Variants in PLXNA2 observed in about 807,000 individuals in gnomAD.
PLXNA2 encodes the protein plexin-A2.
PLXNA2 carries 91 observed loss-of-function variants against 193.5 expected under a neutral mutation model. The ratio of observed to expected loss-of-function variants is 0.47; its 90% confidence interval spans 0.40 to 0.56. PLXNA2 has a LOEUF of 0.56. Among genes scored for constraint, PLXNA2 ranks in the 20% least tolerant of loss-of-function variants. The probability of loss-of-function intolerance (pLI) is 0.00; values close to 1 mark genes in which losing one functional copy is unlikely to be tolerated. For synonymous variants in PLXNA2, 997 were observed against 1,027.3 expected (o/e 0.97, Z 0.56); for missense variants, 1,995 against 2,503.2 (o/e 0.80, Z 4.33).
At chr1:208,206,330 C>G (rs1387375813) in intron 3 of PLXNA2, among the ~76,000 whole-genome samples, 1 of 152,244 alleles carries the variant, frequency 6.6e-6, no homozygotes, top group Admixed American at 6.5e-5. Flanking sequence ...ATGATGAAGA[C>G]TAACTTTGTT....
chr1:208,133,543 G>A (rs1472064670), intron 4 of PLXNA2, among the ~76,000 whole-genome samples: 1 of 152,202 alleles, frequency 6.6e-6, no homozygotes, highest in African/African-American at 2.4e-5. Flanking sequence ...ACTTGTCAGT[G>A]GACAGCTCTA....
chr1:208,153,655 G>T (rs1348234632), intron 3 of PLXNA2, among the ~76,000 whole-genome samples: 1 of 152,236 alleles, frequency 6.6e-6, no homozygotes, highest in Admixed American at 6.5e-5. Context: ...GGCTCAGACA[G>T]GTGGAAAGCA....
At chr1:208,239,540 C>G (rs1388640914) in intron 1 of PLXNA2, among the ~76,000 whole-genome samples, 10 of 152,214 alleles carry the variant, frequency 6.6e-5, no homozygotes. Context: ...GATTCCAGGT[C>G]TGACTTGTTA....
At chr1:208,094,968 T>C (rs1571909158) in intron 8 of PLXNA2, among the ~76,000 whole-genome samples, 2 of 152,242 alleles carry the variant, frequency 1.3e-5, no homozygotes, top group Non-Finnish European at 2.9e-5. Context: ...GAGTCCTTCA[T>C]GCCCATAGCT....
intron 3 of PLXNA2, among the ~76,000 whole-genome samples, chr1:208,175,411 C>G (rs550993002): frequency 3.3e-5 from 5 of 152,152 alleles, no homozygotes; most frequent in Non-Finnish European, 5.9e-5. Flanking sequence ...TTCTTGTTCC[C>G]CCACTGTATC....
At chr1:208,203,482 G>C (rs1158736142) in intron 3 of PLXNA2, among the ~76,000 whole-genome samples, 1 of 152,158 alleles carries the variant, frequency 6.6e-6, no homozygotes, top group Non-Finnish European at 1.5e-5. Context: ...CTCAATCAAG[G>C]GTTCATACTG....
intron 3 of PLXNA2, among the ~76,000 whole-genome samples, chr1:208,204,561 C>T (rs903487098): frequency 1.3e-5 from 2 of 152,238 alleles, no homozygotes; most frequent in African/African-American, 2.4e-5. Context: ...ACACATCATA[C>T]CTTCCTTCCT....
chr1:208,163,132 G>C (rs1033989158), intron 3 of PLXNA2, among the ~76,000 whole-genome samples: 18 of 152,176 alleles, frequency 1.2e-4, no homozygotes, highest in African/African-American at 4.3e-4. Context: ...AGGGAAGAGG[G>C]AGGGATTGGC....
chr1:208,169,254 C>T (rs546559539), intron 3 of PLXNA2, among the ~76,000 whole-genome samples: 2 of 152,272 alleles, frequency 1.3e-5, no homozygotes, highest in Admixed American at 6.5e-5. Flanking sequence ...GTGACAGGCA[C>T]ACGTTGTAGA....
Position 208,186,716 on chromosome 1 carries a change from T to TTTTGTTTTTTG in PLXNA2, c.1371+23563_1371+23564insCAAAAAACAAA, listed in dbSNP as rs1553294072. ...CTGGGAATTGCAATGTTATTTTATT[T>TTTTGTTTTTTG]TTTTTTTTTTTTTTGAGACGGAGTC... On this transcript the variant is annotated intron_variant, in intron 3 of 31. Transcript: ENST00000367033. Among the ~76,000 whole-genome samples the TTTTGTTTTTTG allele has an allele frequency of 7.2e-4, 74 of 103,356 alleles. 3 individuals are homozygous for TTTTGTTTTTTG. The highest frequency in any genetic ancestry group is 9.1e-4 in the African/African-American group (23 of 25,140). The allele number at this position is 103,356 out of a possible 152,430, so 67.8% of individuals were successfully genotyped here. A position where few individuals can be genotyped will look rare whatever the true frequency, so the allele number is the denominator to read the frequency against.
At chr1:208,097,930 C>T (rs189462530) in intron 6 of PLXNA2, among the ~76,000 whole-genome samples, 56 of 152,156 alleles carry the variant, frequency 3.7e-4, no homozygotes, top group Admixed American at 1.0e-3. Context: ...TCTTGAGCTT[C>T]TGGGCTCAAG....
rs17187016 is a variant in PLXNA2, at chr1:208,082,794, G to A, written c.2299-286C>T. ...TCTTCTTAAGCCCCTCTCTGTCTTT[G>A]TTGAGTTCCTATCTCATAAGGAATG... On this transcript the variant is annotated intron_variant, in intron 10 of 31. Coordinates refer to ENST00000367033, the MANE Select transcript of PLXNA2 (RefSeq NM_025179.4). This position sits in a 1 kb window ranked among gnomAD's most constrained non-coding sequence, Gnocchi z 4.2. 0.023 allele frequency among the ~76,000 whole-genome samples: 3,565 copies of A among 152,194 alleles called. 64 individuals carry two copies. The highest frequency in any genetic ancestry group is 0.035 in the Non-Finnish European group (2,387 of 67,994).
At chr1:208,156,065 T>A (rs1308906561) in intron 3 of PLXNA2, among the ~76,000 whole-genome samples, 2 of 152,024 alleles carry the variant, frequency 1.3e-5, no homozygotes, top group East Asian at 3.9e-4. Context: ...GGCAGCAAAA[T>A]CCAAGTCCTG....
Position 208,217,056 on chromosome 1 carries a change from C to T in PLXNA2, c.867G>A (p.Lys289=). 6.2e-7 allele frequency: 1 copy of T among 1,613,398 alleles called. No individual in the cohort carries two copies. Among genetic ancestry groups the T allele is most frequent in the Non-Finnish European group, 8.5e-7 (1 of 1,179,470 alleles). Residue 289 remains lysine, a synonymous_variant, in exon 2 of 32, where the codon AAG becomes AAA. Transcript: ENST00000367033. The surrounding 1 kb of genome is among the most constrained non-coding windows in gnomAD (Gnocchi z 4.7). ...AGGGCAGGGACACGTATGAGTGGAA[C>T]TTGGGGTCATCCTTGCAGAGCCGCA... ...RIVRLCKDDP[K]FHSYVSLPFG...
At chr1:208,230,166 C>T (rs1671642026) in intron 1 of PLXNA2, 1 of 152,224 alleles carries the variant, frequency 6.6e-6, no homozygotes, top group Non-Finnish European at 1.5e-5. Flanking sequence ...TGTACAAGGA[C>T]ATCATCTCCT....
intron 3 of PLXNA2, among the ~76,000 whole-genome samples, chr1:208,200,695 G>A (rs1275975091): frequency 2.0e-5 from 3 of 147,716 alleles, no homozygotes; most frequent in Non-Finnish European, 4.4e-5. Flanking sequence ...GGCTTCAAGC[G>A]ATTCTCCTGC....
At chr1:208,119,981 G>A (rs1362148459) in intron 4 of PLXNA2, among the ~76,000 whole-genome samples, 2 of 152,228 alleles carry the variant, frequency 1.3e-5, no homozygotes, top group African/African-American at 4.8e-5. Context: ...GGAGGGAGGT[G>A]AGTGGATGGA....
intron 8 of PLXNA2, 55 bp downstream of exon 8, chr1:208,095,973 GA>G: frequency 7.4e-7 from 1 of 1,354,734 alleles, no homozygotes. Flanking sequence ...TCGAGGGGAA[GA>G]AAGCCCATAC....
chr1:208,113,650 T>A (rs1464192747), intron 4 of PLXNA2, among the ~76,000 whole-genome samples: 1 of 148,218 alleles, frequency 6.7e-6, no homozygotes, highest in Non-Finnish European at 1.5e-5. Flanking sequence ...CCCGGATTCA[T>A]GCAATCCTCC....
Sources: gnomAD v4.1 joint callset for allele counts (sites outside exome capture counted in the v4.1 genomes callset) on GRCh38, gnomAD v4.1.1 for gene constraint, Gnocchi (gnomAD v3.1) non-coding constraint, MANE v1.5 for transcripts, NCBI Gene and HGNC (gene_info 2026-07-23, HGNC 2026-07-21) for gene names.